MYO3B: variants seen among roughly 807,000 people sequenced by gnomAD.
The protein encoded by MYO3B is myosin IIIB, also known as myosin-IIIb.
MYO3B carries 156 observed loss-of-function variants against 174.6 expected under a neutral mutation model. The ratio of observed to expected loss-of-function variants is 0.89; its 90% confidence interval spans 0.78 to 1.02. MYO3B has a LOEUF of 1.02. MYO3B is among the 50% of genes least tolerant of loss of function. MYO3B has a pLI of 0.00. For synonymous variants in MYO3B, 563 were observed against 569.1 expected, an observed-to-expected ratio of 0.99 and a Z score of 0.15; for missense variants, 1,632 against 1,639.4, an observed-to-expected ratio of 1.00 and a Z score of 0.08.
At chr2:170,228,984 A>G (rs1409546910) in intron 6 of MYO3B, among the ~76,000 whole-genome samples, 1 of 150,062 alleles carries the variant, frequency 6.7e-6, no homozygotes, top group Non-Finnish European at 1.5e-5. Flanking sequence ...AAAAAAAACA[A>G]CGAATCTCAA....
At chr2:170,437,592 A>G (rs536419589) in intron 22 of MYO3B, among the ~76,000 whole-genome samples, 1 of 152,248 alleles carries the variant, frequency 6.6e-6, no homozygotes, top group South Asian at 2.1e-4. Context: ...ACTTTTTCCT[A>G]TCATATTTCT....
intron 7 of MYO3B, among the ~76,000 whole-genome samples, chr2:170,288,234 G>GT (rs35232763): frequency 2.4e-4 from 35 of 146,908 alleles, no homozygotes; most frequent in South Asian, 1.3e-3. Flanking sequence ...TAAATTTTAG[G>GT]TTTTTTTTTT....
At chr2:170,237,437 T>G in intron 7 of MYO3B, among the ~76,000 whole-genome samples, 1 of 152,140 alleles carries the variant, frequency 6.6e-6, no homozygotes, top group East Asian at 1.9e-4. Flanking sequence ...TCATCTATAT[T>G]TTTTTCCTTT....
At chr2:170,466,359 A>G (rs921392077) in intron 24 of MYO3B, 147 bp from the exon 25 acceptor site, 1 of 704,710 alleles carries the variant, frequency 1.4e-6, no homozygotes, top group East Asian at 2.5e-5. Flanking sequence ...TGCAACTTAC[A>G]TTATTATCTC....
chr2:170,322,506 A>G (rs1361517258), intron 7 of MYO3B, among the ~76,000 whole-genome samples: 1 of 152,240 alleles, frequency 6.6e-6, no homozygotes, highest in Non-Finnish European at 1.5e-5. Context: ...ACATGACCCA[A>G]GCCATCCAGG....
intron 6 of MYO3B, among the ~76,000 whole-genome samples, chr2:170,220,493 A>G (rs1213641832): frequency 2.8e-5 from 4 of 144,264 alleles, no homozygotes; most frequent in African/African-American, 7.7e-5. Context: ...GCCTGGCAGG[A>G]TGGCAGGGGC....
At chr2:170,351,237 A>G (rs1278949124) in intron 8 of MYO3B, 1 of 152,218 alleles carries the variant, frequency 6.6e-6, no homozygotes, top group African/African-American at 2.4e-5. Context: ...CAAACAAGAT[A>G]GGATTCAGAG....
At chr2:170,347,748 G>A (rs1246240876) in intron 8 of MYO3B, among the ~76,000 whole-genome samples, 1 of 152,174 alleles carries the variant, frequency 6.6e-6, no homozygotes, top group African/African-American at 2.4e-5. Flanking sequence ...ATGTGTGTTT[G>A]AGGTAAAATT....
chr2:170,449,599 GAAACTCC>G (rs2105924979), intron 23 of MYO3B, among the ~76,000 whole-genome samples: 1 of 152,180 alleles, frequency 6.6e-6, no homozygotes, highest in East Asian at 1.9e-4. Flanking sequence ...CCAACATGAA[GAAACTCC>G]ATCTCTACTA....
At chr2:170,494,790 T>C (rs951521479) in intron 25 of MYO3B, among the ~76,000 whole-genome samples, 1 of 150,524 alleles carries the variant, frequency 6.6e-6, no homozygotes, top group Non-Finnish European at 1.5e-5. Context: ...GTTACGTGGA[T>C]TTCTTGACAT....
Position 170,409,472 on chromosome 2 carries a change from AG to A in MYO3B, c.2650+1629del, listed in dbSNP as rs1239397504. Among the ~76,000 whole-genome samples, 3 of 152,258 alleles carry A rather than the reference AG, an allele frequency of 2.0e-5. No individual in the cohort carries two copies. The East Asian group carries it at 5.8e-4, about 29-fold the overall frequency. Reference sequence around the variant, plus strand: ...AACGTGATGTACCAATAGGCTTCCCAGTATTCCTGAGCTATATATTATGCAT... The same window carrying A: ...AACGTGATGTACCAATAGGCTTCCCATATTCCTGAGCTATATATTATGCAT... On this transcript the variant is annotated intron_variant, in intron 22 of 34. Coordinates refer to ENST00000408978, the MANE Select transcript of MYO3B (RefSeq NM_138995.5).
At chr2:170,507,393 C>CTTTCGT (rs1687680541) in intron 28 of MYO3B, among the ~76,000 whole-genome samples, 1 of 151,530 alleles carries the variant, frequency 6.6e-6, no homozygotes, top group African/African-American at 2.4e-5. Flanking sequence ...GGCTTTCTTT[C>CTTTCGT]TTTCTTTTTC....
rs187181220 is a variant in MYO3B at position 170,375,697 on chromosome 2, C to G, written c.972-6319C>G. ...AATCCTTGCTCACTCTCTCCCTCTT[C>G]TACCTTCAAATATGTGCATGCATGC... On this transcript the variant is annotated intron_variant, in intron 9 of 34. Coordinates refer to ENST00000408978, the MANE Select transcript of MYO3B (RefSeq NM_138995.5). 6.2e-3 allele frequency among the ~76,000 whole-genome samples: 880 copies of G among 141,660 alleles called. 8 individuals are homozygous for G. Among genetic ancestry groups the G allele is most frequent in the Non-Finnish European group, 5.7e-3 (365 of 64,576 alleles). 92.9% of individuals were successfully genotyped at this position (141,660 alleles called of 152,430 possible).
chr2:170,222,535 G>A (rs903034893), intron 6 of MYO3B, among the ~76,000 whole-genome samples: 7 of 152,012 alleles, frequency 4.6e-5, no homozygotes, highest in African/African-American at 1.7e-4. Flanking sequence ...GTGTTCCCTG[G>A]CTTGCAAGCT....
chr2:170,487,457 C>T (rs752855649), intron 25 of MYO3B, among the ~76,000 whole-genome samples: 4 of 152,162 alleles, frequency 2.6e-5, no homozygotes, highest in Non-Finnish European at 5.9e-5. Context: ...GTAGATCCTA[C>T]GTCAAGTTTT....
At chr2:170,187,297 G>C (rs2105311762) in intron 1 of MYO3B, among the ~76,000 whole-genome samples, 1 of 152,104 alleles carries the variant, frequency 6.6e-6, no homozygotes, top group African/African-American at 2.4e-5. Context: ...CAGTGACACA[G>C]TCTTGGCTCA....
chr2:170,635,206 C>T (rs1396213544), intron 32 of MYO3B, among the ~76,000 whole-genome samples: 1 of 152,162 alleles, frequency 6.6e-6, no homozygotes, highest in Non-Finnish European at 1.5e-5. Flanking sequence ...AGACTTGCAA[C>T]CAATCCAAAT....
rs565082548 is a variant in MYO3B, at chr2:170,228,303, C to A, written c.604-7688C>A. On this transcript the variant is annotated intron_variant, in intron 6 of 34. Transcript: ENST00000408978. ...GTGATTTCAGACAAATCAACTGACTCTCCCCTCAGGCCCTCAGTTTTCTCT... is the reference window on the plus strand; with the variant it reads ...GTGATTTCAGACAAATCAACTGACTATCCCCTCAGGCCCTCAGTTTTCTCT... Among the ~76,000 whole-genome samples, 150 of 152,272 alleles carry A rather than the reference C, an allele frequency of 9.9e-4. 1 individual carries two copies. Among genetic ancestry groups the A allele is most frequent in the African/African-American group, 3.5e-3 (144 of 41,534 alleles).
At chr2:170,626,205 C>CTAAG (rs1225912350) in intron 32 of MYO3B, among the ~76,000 whole-genome samples, 3,666 of 152,188 alleles carry the variant, frequency 0.024, 147 homozygotes, top group African/African-American at 0.082. Flanking sequence ...CTTTGTAGGT[C>CTAAG]TCTAAGGACT....
Sources: gnomAD v4.1 joint callset for allele counts (sites outside exome capture counted in the v4.1 genomes callset) on GRCh38, gnomAD v4.1.1 for gene constraint, MANE v1.5 for transcripts, NCBI Gene and HGNC (gene_info 2026-07-23, HGNC 2026-07-21) for gene names.